CNBD1: variants seen among roughly 807,000 people sequenced by gnomAD.
CNBD1 encodes the protein cyclic nucleotide binding domain containing 1.
In CNBD1, 71 loss-of-function variants were observed where a neutral mutation model predicts 54.4. That is an observed-to-expected ratio of 1.30 (90% CI 1.08 to 1.59). CNBD1 has a LOEUF of 1.59. Among genes scored for constraint, CNBD1 ranks in the 40% most tolerant of loss-of-function variants. The pLI, the probability that CNBD1 is intolerant of heterozygous loss-of-function variation, is 0.00. For missense variants in CNBD1, 659 were observed against 518.0 expected (o/e 1.27, Z -2.64); for synonymous variants, 182 against 170.7 (o/e 1.07, Z -0.51).
Position 87,144,045 on chromosome 8 carries a change from GATAAA to G in CNBD1, c.432-61942_432-61938del, listed in dbSNP as rs146710334. ...AAAGGTGCCTAAAATAAAATGAAAT[GATAAA>G]ATAAAGCAGTTTGTTCTGAAGGAAA... On this transcript the variant is annotated intron_variant, in intron 4 of 10. Transcript: ENST00000518476. Among the ~76,000 whole-genome samples the G allele has an allele frequency of 1.1e-4, 16 of 152,210 alleles. No individual in the cohort carries two copies. In the East Asian group the frequency reaches 2.1e-3, roughly 20 times the overall value.
intron 6 of CNBD1, among the ~76,000 whole-genome samples, chr8:87,265,872 TA>T (rs1808245884): frequency 6.6e-6 from 1 of 152,068 alleles, no homozygotes; most frequent in Non-Finnish European, 1.5e-5. Flanking sequence ...ATGAGTAAAA[TA>T]TTAGAAAACA....
intron 4 of CNBD1, among the ~76,000 whole-genome samples, chr8:87,116,565 G>A (rs1811772484): frequency 6.6e-6 from 1 of 151,966 alleles, no homozygotes; most frequent in Non-Finnish European, 1.5e-5. Flanking sequence ...GTATTTAATT[G>A]CTTTTTATTG....
chr8:87,256,130 C>A (rs1808020658), intron 6 of CNBD1, among the ~76,000 whole-genome samples: 1 of 145,998 alleles, frequency 6.8e-6, no homozygotes, highest in African/African-American at 2.5e-5. Flanking sequence ...TCAAGCGATT[C>A]TCCTGCCTCA....
intron 4 of CNBD1, among the ~76,000 whole-genome samples, chr8:86,989,124 C>T (rs1808678846): frequency 6.6e-6 from 1 of 151,930 alleles, no homozygotes; most frequent in South Asian, 2.1e-4. Context: ...TTAAAAAAAT[C>T]AGCCAGGCAT....
At chr8:87,400,212 A>T (rs1046185540) in intron 2 of CNBD1, among the ~76,000 whole-genome samples, 3 of 152,010 alleles carry the variant, frequency 2.0e-5, no homozygotes, top group Non-Finnish European at 4.4e-5. Context: ...AACTAGATTT[A>T]TGGTTGGTGC....
intron 2 of CNBD1, among the ~76,000 whole-genome samples, chr8:87,424,067 A>G (rs1235233747): frequency 4.6e-5 from 7 of 152,034 alleles, no homozygotes; most frequent in African/African-American, 9.7e-5. Context: ...TTTGTGTAGA[A>G]GTGTTTGTAG....
chr8:87,375,733 C>A (rs1810916445), intron 10 of CNBD1, among the ~76,000 whole-genome samples: 2 of 151,712 alleles, frequency 1.3e-5, no homozygotes, highest in South Asian at 4.1e-4. Context: ...AAATGAAATC[C>A]CCAAAAATTA....
intron 5 of CNBD1, among the ~76,000 whole-genome samples, chr8:87,230,751 A>T (rs1814667451): frequency 2.0e-5 from 3 of 152,186 alleles, no homozygotes; most frequent in African/African-American, 7.2e-5. Context: ...TATGAATAAC[A>T]GGAATAGCTG....
intron 10 of CNBD1, among the ~76,000 whole-genome samples, chr8:87,382,310 A>T (rs1811094330): frequency 6.6e-6 from 1 of 151,920 alleles, no homozygotes; most frequent in Non-Finnish European, 1.5e-5. Flanking sequence ...AATAATTATC[A>T]ATTTAAAATA....
intron 8 of CNBD1, among the ~76,000 whole-genome samples, chr8:87,309,467 C>G (rs1375615950): frequency 6.6e-6 from 1 of 152,068 alleles, no homozygotes; most frequent in Admixed American, 6.6e-5. Context: ...GTTTCTAGTG[C>G]TATTGCTTTG....
At chr8:87,345,757 A>C (rs1453213723) in intron 8 of CNBD1, among the ~76,000 whole-genome samples, 1 of 152,152 alleles carries the variant, frequency 6.6e-6, no homozygotes, top group African/African-American at 2.4e-5. Context: ...AATATCAAAA[A>C]CATAAAATTC....
intron 3 of CNBD1, among the ~76,000 whole-genome samples, chr8:86,911,777 A>G (rs1338155431): frequency 6.6e-6 from 1 of 152,208 alleles, no homozygotes; most frequent in Non-Finnish European, 1.5e-5. Flanking sequence ...TGCAGGATAC[A>G]AGAGCAACGT....
At chr8:87,387,045 C>A (rs538099773), downstream of CNBD1, among the ~76,000 whole-genome samples, 11 of 152,108 alleles carry the variant, frequency 7.2e-5, no homozygotes, top group African/African-American at 2.7e-4. Context: ...ACTTTACAGA[C>A]AAGGAAATGC....
chr8:87,109,040 G>A lies in CNBD1; in HGVS notation c.432-96953G>A, dbSNP rs560320382. Reference sequence around the variant, plus strand: ...TATACTATTATTTTTAACTGACTGAGAAAGTTAATATATTCAGTTTATCCA... The same window carrying A: ...TATACTATTATTTTTAACTGACTGAAAAAGTTAATATATTCAGTTTATCCA... On this transcript the variant is annotated intron_variant, in intron 4 of 10. Transcript: ENST00000518476. 1.8e-4 allele frequency among the ~76,000 whole-genome samples: 28 copies of A among 152,180 alleles called. 1 individual carries two copies. In the South Asian group the frequency reaches 5.8e-3, roughly 32 times the overall value.
chr8:87,367,166 A>G (rs1366905139), intron 10 of CNBD1, among the ~76,000 whole-genome samples: 1 of 152,034 alleles, frequency 6.6e-6, no homozygotes, highest in South Asian at 2.1e-4. Context: ...AGACACTCCT[A>G]TATTCTTTGT....
chr8:87,097,875 C>A (rs16897063), intron 4 of CNBD1, among the ~76,000 whole-genome samples: 4,225 of 152,240 alleles, frequency 0.028, 209 homozygotes, highest in African/African-American at 0.094. Flanking sequence ...CCACTGGAGT[C>A]ATCATAATTC....
chr8:86,992,849 G>C lies in CNBD1; in HGVS notation c.431+53095G>C, dbSNP rs140383706. Among the ~76,000 whole-genome samples, 338 of 152,204 alleles carry C rather than the reference G, an allele frequency of 2.2e-3. 2 individuals carry two copies. Among genetic ancestry groups the C allele is most frequent in the Non-Finnish European group, 4.1e-3 (279 of 68,004 alleles). On this transcript the variant is annotated intron_variant, in intron 4 of 10. Transcript: ENST00000518476. ...GTCTGATTGGGTCCCCTTCGTATGT[G>C]CCTTGACCCTTCTCTCTAGATGCCT...
At chr8:87,156,913 G>A (rs1586295840) in intron 4 of CNBD1, among the ~76,000 whole-genome samples, 1 of 152,090 alleles carries the variant, frequency 6.6e-6, no homozygotes, top group Non-Finnish European at 1.5e-5. Flanking sequence ...AGACATGGTC[G>A]ATGACCTAGA....
At chr8:87,282,135 C>G (rs1010954797) in intron 6 of CNBD1, among the ~76,000 whole-genome samples, 3 of 151,310 alleles carry the variant, frequency 2.0e-5, no homozygotes, top group Non-Finnish European at 4.4e-5. Flanking sequence ...TTTTTTTCAA[C>G]TTGTATATAA....
Sources: allele counts gnomAD v4.1 joint callset (sites outside exome capture counted in the v4.1 genomes callset), GRCh38; gene constraint gnomAD v4.1.1; transcripts MANE v1.5; gene names NCBI Gene and HGNC (gene_info 2026-07-23, HGNC 2026-07-21).